OPCML: variants seen among roughly 807,000 people sequenced by gnomAD.
OPCML encodes opioid binding protein/cell adhesion molecule like, also known as opioid-binding protein/cell adhesion molecule.
A neutral mutation model predicts 37.8 loss-of-function variants in OPCML; 13 were observed. The ratio of observed to expected loss-of-function variants is 0.34; its 90% CI spans 0.22 to 0.55. The LOEUF is 0.55. OPCML is among the 20% of genes least tolerant of loss of function. The pLI is 0.91. For missense variants in OPCML, 341 were observed against 435.6 expected (o/e 0.78, Z 1.93); for synonymous variants, 176 against 168.8 (o/e 1.04, Z -0.33).
chr11:133,140,736 C>T (rs1249494023), intron 1 of OPCML, among the ~76,000 whole-genome samples: 4 of 130,950 alleles, frequency 3.1e-5, no homozygotes, highest in African/African-American at 1.1e-4. Context: ...ACGACGACGA[C>T]GACGACGACG....
At chr11:132,743,456 T>G (rs948854321) in intron 2 of OPCML, among the ~76,000 whole-genome samples, 1 of 152,188 alleles carries the variant, frequency 6.6e-6, no homozygotes, top group African/African-American at 2.4e-5. Context: ...GAAGGACATC[T>G]GATTAGATCA....
intron 1 of OPCML, among the ~76,000 whole-genome samples, chr11:133,323,870 A>G (rs1307161427): frequency 6.6e-5 from 10 of 152,224 alleles, no homozygotes; most frequent in Non-Finnish European, 1.5e-5. Flanking sequence ...CAACAGGGAC[A>G]CAAATTAAGG....
At chr11:133,355,635 A>G (rs1944268630) in intron 1 of OPCML, among the ~76,000 whole-genome samples, 1 of 152,178 alleles carries the variant, frequency 6.6e-6, no homozygotes, top group Non-Finnish European at 1.5e-5. Context: ...CCCAACCCTC[A>G]GCCCAGTGCC....
intron 1 of OPCML, among the ~76,000 whole-genome samples, chr11:133,230,708 C>T (rs1283812358): frequency 6.6e-6 from 1 of 152,158 alleles, no homozygotes. Flanking sequence ...CTCAGCCTGG[C>T]CACCCCATCA....
intron 1 of OPCML, among the ~76,000 whole-genome samples, chr11:133,450,612 A>G (rs2136957511): frequency 6.6e-6 from 1 of 151,850 alleles, no homozygotes; most frequent in Admixed American, 6.5e-5. Context: ...AGCGAGTGAG[A>G]GAGAGAAAGA....
chr11:133,005,794 G>A (rs901756120), intron 1 of OPCML: 2 of 984,790 alleles, frequency 2.0e-6, no homozygotes. Flanking sequence ...CCTTCAATTA[G>A]GAGATGGGCA....
At chr11:132,855,316 A>G (rs1424266960) in intron 2 of OPCML, among the ~76,000 whole-genome samples, 1 of 152,200 alleles carries the variant, frequency 6.6e-6, no homozygotes, top group Non-Finnish European at 1.5e-5. Context: ...CCAACCAATC[A>G]GCAAACCCAT....
At chr11:132,601,887 T>C (rs1289138405) in intron 3 of OPCML, among the ~76,000 whole-genome samples, 1 of 152,186 alleles carries the variant, frequency 6.6e-6, no homozygotes, top group Non-Finnish European at 1.5e-5. Flanking sequence ...GGTTGCACAC[T>C]ACAGTTACAC....
chr11:132,940,569 G>C (rs1945543191), intron 2 of OPCML, among the ~76,000 whole-genome samples: 1 of 152,144 alleles, frequency 6.6e-6, no homozygotes, highest in South Asian at 2.1e-4. Flanking sequence ...TGAAGCCATG[G>C]GCTTCTAGAA....
At chr11:133,443,011 AT>A (rs1258009017) in intron 1 of OPCML, among the ~76,000 whole-genome samples, 1 of 152,220 alleles carries the variant, frequency 6.6e-6, no homozygotes, top group Non-Finnish European at 1.5e-5. Context: ...TTCATGTAAT[AT>A]TTGTGAAATG....
At chr11:133,395,874 G>A (rs976811012) in intron 1 of OPCML, among the ~76,000 whole-genome samples, 1 of 152,090 alleles carries the variant, frequency 6.6e-6, no homozygotes, top group Non-Finnish European at 1.5e-5. Context: ...TGGGTCTTTT[G>A]TGGTTCCATA....
intron 2 of OPCML, among the ~76,000 whole-genome samples, chr11:132,897,089 T>A (rs371631757): frequency 6.6e-6 from 1 of 152,176 alleles, no homozygotes; most frequent in Non-Finnish European, 1.5e-5. Context: ...CCAGCTGCCA[T>A]GCAAGCTGCT....
intron 3 of OPCML, among the ~76,000 whole-genome samples, chr11:132,655,879 TA>T (rs1221072206): frequency 1.4e-5 from 2 of 144,596 alleles, no homozygotes; most frequent in African/African-American, 2.7e-5. Flanking sequence ...TTTTTTTTTT[TA>T]AATCAGAGAT....
intron 1 of OPCML, among the ~76,000 whole-genome samples, chr11:133,060,132 T>C (rs1292293911): frequency 6.6e-6 from 1 of 151,992 alleles, no homozygotes; most frequent in Non-Finnish European, 1.5e-5. Context: ...ATAAAGGATT[T>C]TTTAGGTCAC....
chr11:133,168,705 G>A (rs1285523425), intron 1 of OPCML, among the ~76,000 whole-genome samples: 3 of 152,150 alleles, frequency 2.0e-5, no homozygotes, highest in African/African-American at 7.2e-5. Context: ...AGATCAGTAT[G>A]CAAACAAAAG....
chr11:132,510,479 T>C (rs1052467653), intron 4 of OPCML, among the ~76,000 whole-genome samples: 1 of 152,192 alleles, frequency 6.6e-6, no homozygotes, highest in Non-Finnish European at 1.5e-5. Flanking sequence ...TCTTGAATTG[T>C]ATCTCCCAGA....
chr11:132,772,157 A>G (rs1406836994), intron 2 of OPCML: 1 of 152,218 alleles, frequency 6.6e-6, no homozygotes, highest in Non-Finnish European at 1.5e-5. Flanking sequence ...ACAATAACTC[A>G]TCTTTTCTGC....
intron 3 of OPCML, among the ~76,000 whole-genome samples, chr11:132,632,824 C>A (rs894384330): frequency 6.6e-6 from 1 of 152,098 alleles, no homozygotes; most frequent in East Asian, 1.9e-4. Flanking sequence ...CCACTCTGGA[C>A]TCCTTCCAAC....
intron 1 of OPCML, among the ~76,000 whole-genome samples, chr11:133,147,966 A>T (rs1445973713): frequency 6.6e-6 from 1 of 152,002 alleles, no homozygotes; most frequent in Admixed American, 6.6e-5. Context: ...CCCATCTCTC[A>T]TCCCTCCCCA....
Sources: gnomAD v4.1 joint callset for allele counts (sites outside exome capture counted in the v4.1 genomes callset) on GRCh38, gnomAD v4.1.1 for gene constraint, MANE v1.5 for transcripts, NCBI Gene and HGNC (gene_info 2026-07-23, HGNC 2026-07-21) for gene names.